DYTN: variants seen among roughly 807,000 people sequenced by gnomAD.
DYTN encodes the protein dystrotelin.
Under a neutral mutation model 69.6 loss-of-function variants are expected in DYTN, and 75 were observed. The ratio of observed to expected loss-of-function variants is 1.08; its 90% CI spans 0.89 to 1.31. The LOEUF (loss-of-function observed/expected upper bound fraction) is 1.31, where lower values mean the gene tolerates loss of function less well. DYTN is among the 50% of genes most tolerant of loss of function. The pLI is 0.00. For missense variants in DYTN, 726 were observed against 688.4 expected, an observed-to-expected ratio of 1.05 and a Z score of -0.61; for synonymous variants, 252 against 249.1, an observed-to-expected ratio of 1.01 and a Z score of -0.11.
At chr2:206,685,966 A>G (rs1699801121) in intron 9 of DYTN, among the ~76,000 whole-genome samples, 1 of 146,558 alleles carries the variant, frequency 6.8e-6, no homozygotes, top group Non-Finnish European at 1.5e-5. Context: ...TTATAAAAAG[A>G]ACTACAGAAA....
intron 5 of DYTN, among the ~76,000 whole-genome samples, chr2:206,701,435 AC>A (rs1699976069): frequency 1.3e-5 from 2 of 152,246 alleles, no homozygotes; most frequent in Admixed American, 6.5e-5. Flanking sequence ...TATGTAATAT[AC>A]AACAGAATAG....
At chr2:206,662,778 A>G in intron 11 of DYTN, 125 bp downstream of exon 11, 3 of 1,402,288 alleles carry the variant, frequency 2.1e-6, no homozygotes, top group Non-Finnish European at 2.9e-6. Context: ...CTGATAACCA[A>G]TAGATTCAGA....
chr2:206,672,133 G>A (rs972729259), intron 9 of DYTN, among the ~76,000 whole-genome samples: 1 of 152,172 alleles, frequency 6.6e-6, no homozygotes, highest in Non-Finnish European at 1.5e-5. Context: ...TTAGGGACTG[G>A]ACCTGGGTTG....
intron 9 of DYTN, among the ~76,000 whole-genome samples, chr2:206,677,074 G>A (rs1344466770): frequency 1.3e-5 from 2 of 152,234 alleles, no homozygotes; most frequent in Non-Finnish European, 2.9e-5. Flanking sequence ...AACCTCCCGA[G>A]TAGCTGGGAT....
At chr2:206,691,270 A>G (rs1305912379) in intron 9 of DYTN, among the ~76,000 whole-genome samples, 1 of 152,072 alleles carries the variant, frequency 6.6e-6, no homozygotes, top group Non-Finnish European at 1.5e-5. Context: ...AAAATTAGTC[A>G]GTTGTGGTGG....
chr2:206,697,129 C>T (rs1645649481), intron 7 of DYTN, among the ~76,000 whole-genome samples: 1 of 152,176 alleles, frequency 6.6e-6, no homozygotes, highest in Non-Finnish European at 1.5e-5. Flanking sequence ...CAAGCATTAA[C>T]TGGATGGCTG....
intron 9 of DYTN, among the ~76,000 whole-genome samples, chr2:206,682,570 C>T (rs1422141387): frequency 2.6e-5 from 4 of 151,884 alleles, no homozygotes; most frequent in Non-Finnish European, 5.9e-5. Flanking sequence ...AGTCTTTGAT[C>T]CTCTTCTCTT....
chr2:206,716,951 T>A (rs1700135585), intron 1 of DYTN, among the ~76,000 whole-genome samples: 2 of 151,698 alleles, frequency 1.3e-5, no homozygotes, highest in African/African-American at 4.9e-5. Context: ...TGTGATACAG[T>A]GCAACATGGA....
At chr2:206,664,279 G>A (rs1440700563) in intron 10 of DYTN, among the ~76,000 whole-genome samples, 1 of 152,184 alleles carries the variant, frequency 6.6e-6, no homozygotes, top group African/African-American at 2.4e-5. Flanking sequence ...ATTCAGACTT[G>A]GGTATTTGTC....
intron 6 of DYTN, 99 bp downstream of exon 6, chr2:206,700,046 A>T: frequency 6.4e-7 from 1 of 1,560,198 alleles, no homozygotes; most frequent in South Asian, 1.1e-5. Context: ...CTGAGATGCT[A>T]TGTGGAGTAA....
chr2:206,654,853 G>C (rs1293369768), intron 11 of DYTN, among the ~76,000 whole-genome samples: 1 of 152,158 alleles, frequency 6.6e-6, no homozygotes, highest in Admixed American at 6.5e-5. Flanking sequence ...AAAAGGAACA[G>C]GAATAAACCT....
intron 2 of DYTN, among the ~76,000 whole-genome samples, chr2:206,708,473 T>C (rs1478825190): frequency 1.3e-5 from 2 of 152,234 alleles, no homozygotes; most frequent in African/African-American, 2.4e-5. Context: ...TCTCTGATAT[T>C]GCTTTTAAGA....
At chr2:206,668,400 G>A (rs2105889903) in intron 9 of DYTN, among the ~76,000 whole-genome samples, 1 of 152,266 alleles carries the variant, frequency 6.6e-6, no homozygotes, top group Admixed American at 6.5e-5. Context: ...AGATGCTTAT[G>A]GGTTGTTTCT....
rs1699532778 is a variant in DYTN at position 206,663,245 on chromosome 2, G to A, written c.1291C>T (p.Pro431Ser). 21 of 1,613,800 alleles carry A rather than the reference G, an allele frequency of 1.3e-5. No individual in the cohort carries two copies. The highest frequency in any genetic ancestry group is 1.8e-5 in the Non-Finnish European group (21 of 1,179,880). The change falls in exon 11 of 12, where the codon CCT becomes TCT. Residue 431 changes from proline (P) to serine (S), a missense_variant. By Grantham distance (74) the Pro-to-Ser change is moderately conservative. Transcript: ENST00000452335. ...TEDASTGEPL[P>S]KLDEVDRSHR... ...CTTCTGTCAACCTCATCAAGCTTAG[G>A]AAGAGGTTCCCCTGTTGAAGCATCT...
intron 10 of DYTN, 44 bp from the exon 11 acceptor site, chr2:206,663,439 T>C (rs1399944350): frequency 6.7e-7 from 1 of 1,502,102 alleles, no homozygotes; most frequent in Admixed American, 2.4e-5. Flanking sequence ...AATGTTTATC[T>C]TACTTTTTCA....
chr2:206,692,223 C>T (rs1190918384), intron 9 of DYTN, among the ~76,000 whole-genome samples: 2 of 151,296 alleles, frequency 1.3e-5, no homozygotes, highest in Non-Finnish European at 2.9e-5. Flanking sequence ...TATGATTGTG[C>T]CACTGCACTC....
In DYTN at chr2:206,663,412, T is replaced by C; in HGVS notation, c.1141-17A>G. The C allele has an allele frequency of 6.5e-6, 10 of 1,549,192 alleles. No individual in the cohort carries two copies. The highest frequency in any genetic ancestry group is 8.7e-6 in the Non-Finnish European group (10 of 1,152,038). On this transcript the variant is annotated splice_polypyrimidine_tract_variant and intron_variant, in intron 10 of 11. Transcript: ENST00000452335. Reference sequence around the variant, plus strand: ...CAACCTTGCCTGGGGAAACAAAACTTTATTTATGAAGAAATTAATGTTTAT... The same window carrying C: ...CAACCTTGCCTGGGGAAACAAAACTCTATTTATGAAGAAATTAATGTTTAT...
At chr2:206,707,643 A>AGTAGT in intron 2 of DYTN, 140 bp from the exon 3 acceptor site, 2 of 791,724 alleles carry the variant, frequency 2.5e-6, no homozygotes, top group Non-Finnish European at 4.0e-6. Flanking sequence ...AAATATGACT[A>AGTAGT]CTATTTGGAC....
Position 206,700,166 on chromosome 2 carries a change from G to A in DYTN, c.534C>T (p.Ala178=). Residue 178 remains alanine, a synonymous_variant, in exon 6 of 12, where the codon GCC becomes GCT. Coordinates refer to ENST00000452335, the MANE Select transcript of DYTN (RefSeq NM_001093730.1). ...TCACCCCTTGGAAACAGCTGCGGGT[G>A]GCACTTTCCACAGGGCACAGAGCAC... The part of the protein sequence containing the change: ...ESRALCPVES[A]TRSCFQGVLS... The A allele has an allele frequency of 6.2e-7, 1 of 1,613,908 alleles. No individual in the cohort carries two copies. The highest frequency in any genetic ancestry group is 8.5e-7 in the Non-Finnish European group (1 of 1,179,828).
Sources: allele counts gnomAD v4.1 joint callset (sites outside exome capture counted in the v4.1 genomes callset), GRCh38; gene constraint gnomAD v4.1.1; transcripts MANE v1.5; gene names NCBI Gene and HGNC (gene_info 2026-07-23, HGNC 2026-07-21).